Variants in CDH23 observed in about 807,000 individuals in gnomAD.
CDH23 encodes the protein cadherin related 23.
Under a neutral mutation model 317.1 loss-of-function variants are expected in CDH23, and 189 were observed. The observed-to-expected ratio is 0.60, with a 90% CI of 0.53 to 0.67. The LOEUF (loss-of-function observed/expected upper bound fraction) is 0.67, where lower values mean the gene tolerates loss of function less well. Ranked by LOEUF, CDH23 falls within the 30% of genes least tolerant of loss-of-function variation. CDH23 has a pLI of 0.00. For synonymous variants in CDH23, 1,839 were observed against 1,876.8 expected (o/e 0.98, Z 0.52); for missense variants, 4,401 against 4,592.4 (o/e 0.96, Z 1.20).
At chr10:71,730,938 G>C (rs1028909048) in intron 31 of CDH23, among the ~76,000 whole-genome samples, 1 of 152,230 alleles carries the variant, frequency 6.6e-6, no homozygotes. Flanking sequence ...AAAGAGGACC[G>C]GTCAGAAAGC....
At chr10:71,631,583 T>C (rs138655553) in intron 11 of CDH23, among the ~76,000 whole-genome samples, 31 of 152,362 alleles carry the variant, frequency 2.0e-4, no homozygotes, top group African/African-American at 7.2e-4. Context: ...GCATGATGCC[T>C]TGTTGTGATA....
At chr10:71,745,405 G>A (rs751765428) in intron 38 of CDH23, among the ~76,000 whole-genome samples, 70 of 152,268 alleles carry the variant, frequency 4.6e-4, no homozygotes, top group East Asian at 5.8e-4. Context: ...GTTTAGGCCC[G>A]GGGCTGCTTC....
chr10:71,406,863 A>G (rs1367965706), intron 1 of CDH23, among the ~76,000 whole-genome samples: 1 of 152,190 alleles, frequency 6.6e-6, no homozygotes, highest in Non-Finnish European at 1.5e-5. Flanking sequence ...GGCAAGCTGC[A>G]TGTGGCCCAT....
At chr10:71,560,797 T>C (rs761160388) in intron 6 of CDH23, among the ~76,000 whole-genome samples, 1 of 151,830 alleles carries the variant, frequency 6.6e-6, no homozygotes, top group Non-Finnish European at 1.5e-5. Flanking sequence ...GCCTGCACCT[T>C]GTCAGGACTC....
chr10:71,446,205 T>C, intron 2 of CDH23, 113 bp from the exon 3 acceptor site: 1 of 1,010,810 alleles, frequency 9.9e-7, no homozygotes, highest in Non-Finnish European at 1.5e-6. Context: ...AAGTTGACCA[T>C]GGCCATGGAC....
At chr10:71,640,659 A>T (rs185850096) in intron 11 of CDH23, among the ~76,000 whole-genome samples, 20 of 152,322 alleles carry the variant, frequency 1.3e-4, no homozygotes, top group Middle Eastern at 3.4e-3. Context: ...GAGGCAGGAG[A>T]ATTGCTTGGA....
intron 27 of CDH23, among the ~76,000 whole-genome samples, chr10:71,710,943 C>T (rs1250386135): frequency 1.3e-5 from 2 of 152,298 alleles, no homozygotes; most frequent in African/African-American, 4.8e-5. Context: ...CCCTTGAGGG[C>T]CCCAGAGGGG....
At chr10:71,800,367 A>G (rs149283723) in intron 52 of CDH23, among the ~76,000 whole-genome samples, 73 of 152,274 alleles carry the variant, frequency 4.8e-4, no homozygotes, top group African/African-American at 1.7e-3. Flanking sequence ...TGGCATTAAG[A>G]CAACTGCATA....
chr10:71,400,103 C>A (rs1006015507), intron 1 of CDH23, among the ~76,000 whole-genome samples: 2 of 152,202 alleles, frequency 1.3e-5, no homozygotes, highest in African/African-American at 2.4e-5. Flanking sequence ...GGACATCCCA[C>A]TTCTACTGCC....
intron 28 of CDH23, among the ~76,000 whole-genome samples, chr10:71,722,140 T>G (rs1355886048): frequency 6.6e-6 from 1 of 152,180 alleles, no homozygotes; most frequent in African/African-American, 2.4e-5. Flanking sequence ...GAAAATCCAT[T>G]CTATATTATC....
chr10:71,427,195 G>GAGAGAGAAAGAA (rs1849121653), intron 1 of CDH23, among the ~76,000 whole-genome samples: 1 of 98,948 alleles, frequency 1.0e-5, no homozygotes, highest in Non-Finnish European at 2.0e-5. Flanking sequence ...AGGAAGGAAA[G>GAGAGAGAAAGAA]AGAAAGAAAG....
intron 3 of CDH23, among the ~76,000 whole-genome samples, chr10:71,482,523 G>A (rs554478475): frequency 2.2e-4 from 34 of 152,342 alleles, no homozygotes; most frequent in African/African-American, 7.0e-4. Context: ...CCTGAGGTTG[G>A]GGGGACAGGC....
chr10:71,791,340 G>A lies in CDH23; in HGVS notation c.6253+5G>A, dbSNP rs1748135455. 3.7e-6 allele frequency: 6 copies of A among 1,612,334 alleles called. No homozygotes were observed. Among genetic ancestry groups the A allele is most frequent in the East Asian group, 2.2e-5 (1 of 44,828 alleles). Reference sequence around the variant, plus strand: ...TGCTAGAGAACTGCCCGCCTGGTAAGCAGGGGACAGGCCCCAGCACCCCAC... The same window carrying A: ...TGCTAGAGAACTGCCCGCCTGGTAAACAGGGGACAGGCCCCAGCACCCCAC... On this transcript the variant is annotated splice_donor_5th_base_variant and intron_variant, in intron 47 of 69. Transcript: ENST00000224721.
intron 6 of CDH23, among the ~76,000 whole-genome samples, chr10:71,544,181 G>A (rs1333623516): frequency 2.0e-5 from 3 of 152,276 alleles, no homozygotes; most frequent in Non-Finnish European, 4.4e-5. Flanking sequence ...GGTTTTTACC[G>A]AACTCTGGTC....
At chr10:71,693,429 A>G (rs535757998) in intron 20 of CDH23, among the ~76,000 whole-genome samples, 31 of 152,354 alleles carry the variant, frequency 2.0e-4, no homozygotes, top group African/African-American at 7.2e-4. Flanking sequence ...GATTTAGCAC[A>G]CTAAAACAAC....
chr10:71,782,703 C>T (rs562155362), intron 41 of CDH23, among the ~76,000 whole-genome samples: 1 of 152,346 alleles, frequency 6.6e-6, no homozygotes, highest in East Asian at 1.9e-4. Context: ...GAGCAAGAGG[C>T]CCTCTGCCTG....
intron 1 of CDH23, among the ~76,000 whole-genome samples, chr10:71,433,769 A>G (rs573207727): frequency 4.4e-5 from 3 of 68,194 alleles, no homozygotes; most frequent in African/African-American, 1.0e-4. Flanking sequence ...CACCAGCAGG[A>G]AACCCTCTCA....
intron 6 of CDH23, among the ~76,000 whole-genome samples, chr10:71,527,462 C>A (rs7069186): frequency 0.16 from 25,086 of 152,204 alleles, 3,454 homozygotes; most frequent in African/African-American, 0.38. Flanking sequence ...TCCTCTGGGC[C>A]CTGTGTGTAG....
intron 6 of CDH23, among the ~76,000 whole-genome samples, chr10:71,516,703 C>G (rs924706484): frequency 6.6e-6 from 1 of 152,168 alleles, no homozygotes; most frequent in African/African-American, 2.4e-5. Context: ...CAGAGACAGA[C>G]ACTGAAGTAG....
Sources: gnomAD v4.1 joint callset for allele counts (sites outside exome capture counted in the v4.1 genomes callset) on GRCh38, gnomAD v4.1.1 for gene constraint, MANE v1.5 for transcripts, NCBI Gene and HGNC (gene_info 2026-07-23, HGNC 2026-07-21) for gene names.